NCKAP5: variants seen among roughly 807,000 people sequenced by gnomAD.
The protein encoded by NCKAP5 is nck-associated protein 5.
NCKAP5 carries 92 observed loss-of-function variants against 167.0 expected under a neutral mutation model. The observed-to-expected ratio is 0.55, with a 90% CI of 0.47 to 0.66. NCKAP5 has a LOEUF of 0.66. Among genes scored for constraint, NCKAP5 ranks in the 30% least tolerant of loss-of-function variants. The probability of loss-of-function intolerance (pLI) is 0.00; values close to 1 mark genes in which losing one functional copy is unlikely to be tolerated. For missense variants in NCKAP5, 2,378 were observed against 2,315.0 expected (o/e 1.03, Z -0.56); for synonymous variants, 891 against 877.4 (o/e 1.02, Z -0.27).
intron 19 of NCKAP5, among the ~76,000 whole-genome samples, chr2:132,724,258 T>C (rs1690224942): frequency 6.6e-6 from 1 of 152,210 alleles, no homozygotes; most frequent in African/African-American, 2.4e-5. Context: ...TTGTCTTTTC[T>C]GTAGCACTCA....
chr2:132,799,776 T>G (rs7598405), intron 11 of NCKAP5, among the ~76,000 whole-genome samples: 1 of 151,974 alleles, frequency 6.6e-6, no homozygotes, highest in African/African-American at 2.4e-5. Flanking sequence ...TCAAAATTTT[T>G]AATTATTATG....
At chr2:133,320,883 ACT>A (rs1403265288) in intron 3 of NCKAP5, among the ~76,000 whole-genome samples, 1 of 152,128 alleles carries the variant, frequency 6.6e-6, no homozygotes, top group African/African-American at 2.4e-5. Context: ...TGAGTTGGTC[ACT>A]CTACCACAAT....
intron 6 of NCKAP5, among the ~76,000 whole-genome samples, chr2:133,064,033 C>T (rs1014320056): frequency 2.0e-5 from 3 of 152,156 alleles, no homozygotes; most frequent in African/African-American, 7.2e-5. Context: ...AAATCAGACC[C>T]AACCTCAGCG....
At chr2:133,521,913 G>A (rs771938772) in intron 2 of NCKAP5, among the ~76,000 whole-genome samples, 1 of 152,124 alleles carries the variant, frequency 6.6e-6, no homozygotes, top group Non-Finnish European at 1.5e-5. Context: ...GGAAACCTCC[G>A]AGTAGTGGGG....
chr2:133,167,993 G>C (rs1282148857), intron 5 of NCKAP5, among the ~76,000 whole-genome samples: 1 of 152,136 alleles, frequency 6.6e-6, no homozygotes, highest in African/African-American at 2.4e-5. Context: ...AATTTTAAGT[G>C]TGTGTTTACT....
intron 8 of NCKAP5, among the ~76,000 whole-genome samples, chr2:132,928,152 A>T (rs1396377977): frequency 6.6e-6 from 1 of 152,176 alleles, no homozygotes; most frequent in Non-Finnish European, 1.5e-5. Context: ...ACCACTTATT[A>T]ACTAACTGGA....
intron 5 of NCKAP5, among the ~76,000 whole-genome samples, chr2:133,132,886 C>T (rs539614828): frequency 2.6e-5 from 4 of 152,166 alleles, no homozygotes; most frequent in Admixed American, 1.3e-4. Flanking sequence ...CGATGTTAGC[C>T]AGGATGGTCT....
the NCKAP5 span, among the ~76,000 whole-genome samples, chr2:133,655,535 T>C: frequency 6.6e-6 from 1 of 152,164 alleles, no homozygotes; most frequent in East Asian, 1.9e-4. Flanking sequence ...AGGTCTGCGA[T>C]AGATTCAGGA....
chr2:133,646,715 G>T, the NCKAP5 span, among the ~76,000 whole-genome samples: 2 of 152,138 alleles, frequency 1.3e-5, no homozygotes, highest in Admixed American at 1.3e-4. Flanking sequence ...TACTTTAATG[G>T]TGGTGGGTAA....
the NCKAP5 span, among the ~76,000 whole-genome samples, chr2:133,579,731 C>T: frequency 1.3e-3 from 202 of 152,310 alleles, 2 homozygotes; most frequent in African/African-American, 4.7e-3. Flanking sequence ...ACACTGCCCT[C>T]CATCATCAAC....
intron 6 of NCKAP5, among the ~76,000 whole-genome samples, chr2:133,062,207 C>G (rs1326288787): frequency 1.3e-5 from 2 of 151,982 alleles, no homozygotes; most frequent in African/African-American, 4.8e-5. Flanking sequence ...ATGGTAAAGA[C>G]AAAAAAGCCA....
chr2:133,199,322 G>A (rs2085572652), intron 5 of NCKAP5, among the ~76,000 whole-genome samples: 1 of 151,810 alleles, frequency 6.6e-6, no homozygotes, highest in South Asian at 2.1e-4. Context: ...AAGAATGGGG[G>A]AAAAATTGCA....
At chr2:133,507,430 C>T (rs1390927561) in intron 3 of NCKAP5, among the ~76,000 whole-genome samples, 3 of 152,118 alleles carry the variant, frequency 2.0e-5, no homozygotes, top group African/African-American at 4.8e-5. Context: ...CAAAAAGGTG[C>T]GGAAAGACAG....
At chr2:132,808,844 T>G (rs1326455928) in intron 11 of NCKAP5, among the ~76,000 whole-genome samples, 1 of 152,174 alleles carries the variant, frequency 6.6e-6, no homozygotes, top group Non-Finnish European at 1.5e-5. Flanking sequence ...CTCTAGTTCC[T>G]TGAGGTGTGA....
chr2:133,326,220 C>T (rs1373128358), intron 3 of NCKAP5, among the ~76,000 whole-genome samples: 4 of 152,138 alleles, frequency 2.6e-5, no homozygotes, highest in African/African-American at 9.7e-5. Flanking sequence ...CTTTGGGAGG[C>T]CGAGGCAGGC....
chr2:132,971,844 G>A (rs544560504), intron 7 of NCKAP5, among the ~76,000 whole-genome samples: 2 of 152,264 alleles, frequency 1.3e-5, no homozygotes, highest in South Asian at 2.1e-4. Flanking sequence ...CAGATTCCTC[G>A]GTGCACTCTG....
chr2:132,753,835 C>T (rs1214824841), intron 16 of NCKAP5, among the ~76,000 whole-genome samples: 1 of 152,182 alleles, frequency 6.6e-6, no homozygotes, highest in African/African-American at 2.4e-5. Context: ...CCATCCCCTT[C>T]CACGGGGCTT....
intron 8 of NCKAP5, among the ~76,000 whole-genome samples, chr2:132,926,443 T>C (rs1695896741): frequency 6.6e-6 from 1 of 152,204 alleles, no homozygotes; most frequent in Non-Finnish European, 1.5e-5. Context: ...TTGAGAACTG[T>C]CCATACCATT....
chr2:133,355,986 G>A (rs376437514), intron 3 of NCKAP5, among the ~76,000 whole-genome samples: 11 of 151,816 alleles, frequency 7.2e-5, no homozygotes, highest in Admixed American at 3.9e-4. Context: ...GGAGTGCAGC[G>A]GCGTGATCAT....
Sources: allele counts gnomAD v4.1 joint callset (sites outside exome capture counted in the v4.1 genomes callset), GRCh38; gene constraint gnomAD v4.1.1; transcripts MANE v1.5; gene names NCBI Gene and HGNC (gene_info 2026-07-23, HGNC 2026-07-21).